ADARB2: variants seen among roughly 807,000 people sequenced by gnomAD.
The protein encoded by ADARB2 is inactive double-stranded RNA-specific editase B2.
Under a neutral mutation model 62.2 loss-of-function variants are expected in ADARB2, and 25 were observed. The ratio of observed to expected loss-of-function variants is 0.40; its 90% CI spans 0.29 to 0.56. The LOEUF is 0.56. ADARB2 is among the 20% of genes least tolerant of loss of function. The probability of loss-of-function intolerance (pLI) is 0.43; values close to 1 mark genes in which losing one functional copy is unlikely to be tolerated. For missense variants in ADARB2, 1,071 were observed against 1,077.4 expected, an observed-to-expected ratio of 0.99 and a Z score of 0.08; for synonymous variants, 572 against 500.8, an observed-to-expected ratio of 1.14 and a Z score of -1.90.
chr10:1,575,777 G>A (rs1332240217), intron 1 of ADARB2, among the ~76,000 whole-genome samples: 1 of 152,186 alleles, frequency 6.6e-6, no homozygotes, highest in Admixed American at 6.5e-5. Context: ...AGAGAGCCTG[G>A]CGGTTTGGCT....
At chr10:1,602,963 CACAG>C (rs903874728) in intron 1 of ADARB2, among the ~76,000 whole-genome samples, 2 of 151,836 alleles carry the variant, frequency 1.3e-5, no homozygotes, top group African/African-American at 2.4e-5. Flanking sequence ...CACATGCACA[CACAG>C]ACACACATCA....
intron 8 of ADARB2, among the ~76,000 whole-genome samples, chr10:1,185,240 A>G (rs1425010940): frequency 6.6e-6 from 1 of 152,248 alleles, no homozygotes; most frequent in Non-Finnish European, 1.5e-5. Flanking sequence ...CCTCGGGTCC[A>G]CGGCGTCGCT....
rs1368470441 is a variant in ADARB2 at position 1,477,104 on chromosome 10, A to C, written c.101-97944T>G. ...ACGCAAGGGCACCCTCCCACTGCGC[A>C]GCACTGCCTCTCACTCATGGCTGTG... On this transcript the variant is annotated intron_variant, in intron 1 of 9. Coordinates refer to ENST00000381312, the MANE Select transcript of ADARB2 (RefSeq NM_018702.4). The surrounding 1 kb of genome is among the most constrained non-coding windows in gnomAD (Gnocchi z 4.5). Among the ~76,000 whole-genome samples the C allele has an allele frequency of 6.6e-6, 1 of 152,124 alleles. No individual in the cohort carries two copies. The highest frequency in any genetic ancestry group is 1.5e-5 in the Non-Finnish European group (1 of 68,010).
intron 1 of ADARB2, among the ~76,000 whole-genome samples, chr10:1,588,045 C>A (rs1486899218): frequency 6.6e-6 from 1 of 152,144 alleles, no homozygotes; most frequent in Non-Finnish European, 1.5e-5. Flanking sequence ...CGGACTAATG[C>A]AACAATACTA....
intron 1 of ADARB2, among the ~76,000 whole-genome samples, chr10:1,547,922 T>A (rs926366177): frequency 1.3e-5 from 2 of 152,108 alleles, no homozygotes; most frequent in Non-Finnish European, 2.9e-5. Context: ...CTGACAGGCC[T>A]GGGAAGGCCT....
chr10:1,737,039 C>T lies in ADARB2; in HGVS notation c.100+12G>A. 1.9e-6 allele frequency: 3 copies of T among 1,609,334 alleles called. No homozygotes were observed. Among genetic ancestry groups the T allele is most frequent in the South Asian group, 2.2e-5 (2 of 91,082 alleles). ...AAGGGGGGCAGGGGCCGGCGCGCCACGCGGTCCTTACCTTTCCGCTTGGAC... is the reference window on the plus strand; with the variant it reads ...AAGGGGGGCAGGGGCCGGCGCGCCATGCGGTCCTTACCTTTCCGCTTGGAC... On this transcript the variant is annotated intron_variant, in intron 1 of 9. Coordinates refer to ENST00000381312, the MANE Select transcript of ADARB2 (RefSeq NM_018702.4).
chr10:1,379,020 C>T, intron 2 of ADARB2, 54 bp downstream of exon 2: 1 of 1,517,836 alleles, frequency 6.6e-7, no homozygotes, highest in Admixed American at 1.7e-5. Context: ...CAGGGGACCC[C>T]TGCACAAAGG....
chr10:1,611,913 G>A (rs1833577504), intron 1 of ADARB2, among the ~76,000 whole-genome samples: 1 of 152,182 alleles, frequency 6.6e-6, no homozygotes, highest in Non-Finnish European at 1.5e-5. Flanking sequence ...TGGGGGTGCA[G>A]CTGGGGCCTC....
rs1338853088 is a variant in ADARB2 at position 1,398,386 on chromosome 10, G to A, written c.101-19226C>T. ...GGTGAAAGACCATGAGCGCTCCTCG[G>A]GACATCTGGCCTTTCACCTGTGCAT... On this transcript the variant is annotated intron_variant, in intron 1 of 9. Coordinates refer to ENST00000381312, the MANE Select transcript of ADARB2 (RefSeq NM_018702.4). This position sits in a 1 kb window ranked among gnomAD's most constrained non-coding sequence, Gnocchi z 4.1. Among the ~76,000 whole-genome samples the A allele has an allele frequency of 6.6e-6, 1 of 152,240 alleles. No homozygotes were observed. Among genetic ancestry groups the A allele is most frequent in the Non-Finnish European group, 1.5e-5 (1 of 68,048 alleles).
At position 1,242,339 on chromosome 10, in the gene ADARB2, CCCCCGTCTCCCTCCT is replaced by C. The variant is rs562151051; in HGVS notation, c.1193-55_1193-41del. The C allele has an allele frequency of 8.4e-5, 126 of 1,505,286 alleles. No individual in the cohort carries two copies. The African/African-American group carries it at 1.6e-3, about 19-fold the overall frequency. 93.2% of individuals were successfully genotyped at this position (1,505,286 alleles called of 1,614,324 possible). ...AGCATCAGAGCAGCGTGGCCCACGG[CCCCCGTCTCCCTCCT>C]CCTCGGTCTTTTCAGGGTCTCACAA... is the stretch of plus-strand genomic sequence containing the variant. On this transcript the variant is annotated intron_variant, in intron 4 of 9. Coordinates refer to ENST00000381312, the MANE Select transcript of ADARB2 (RefSeq NM_018702.4).
At chr10:1,706,245 G>C (rs1564200371) in intron 1 of ADARB2, among the ~76,000 whole-genome samples, 1 of 152,194 alleles carries the variant, frequency 6.6e-6, no homozygotes, top group Non-Finnish European at 1.5e-5. Flanking sequence ...CTTGACTAGG[G>C]TCAAGGCCAT....
At chr10:1,306,749 A>T (rs1477694817) in intron 3 of ADARB2, among the ~76,000 whole-genome samples, 1 of 144,992 alleles carries the variant, frequency 6.9e-6, no homozygotes, top group Non-Finnish European at 1.5e-5. Context: ...GATCAATGGA[A>T]CAGAACAGAG....
At chr10:1,731,254 G>C (rs891828753) in intron 1 of ADARB2, among the ~76,000 whole-genome samples, 2 of 152,188 alleles carry the variant, frequency 1.3e-5, no homozygotes, top group African/African-American at 4.8e-5. Context: ...TTGCTAGGGC[G>C]TTGCTTAAAC....
chr10:1,301,156 A>C (rs1434844939), intron 3 of ADARB2, among the ~76,000 whole-genome samples: 2 of 152,256 alleles, frequency 1.3e-5, no homozygotes, highest in Non-Finnish European at 2.9e-5. Context: ...TATGGTACTG[A>C]TGATAAAATC....
At chr10:1,260,095 A>C (rs985795224) in intron 4 of ADARB2, among the ~76,000 whole-genome samples, 75 of 143,644 alleles carry the variant, frequency 5.2e-4, no homozygotes, top group African/African-American at 1.6e-3. Flanking sequence ...TGACAAAATT[A>C]AACAACCCTT....
intron 1 of ADARB2, among the ~76,000 whole-genome samples, chr10:1,456,683 G>A (rs985955018): frequency 6.6e-6 from 1 of 152,202 alleles, no homozygotes; most frequent in Non-Finnish European, 1.5e-5. Context: ...AGGGTCACTA[G>A]TGGCCCTTTC....
At chr10:1,254,471 A>T (rs369654832) in intron 4 of ADARB2, among the ~76,000 whole-genome samples, 115 of 152,316 alleles carry the variant, frequency 7.6e-4, no homozygotes, top group African/African-American at 2.2e-3. Flanking sequence ...GATCAGAGGA[A>T]TCTTTTGGTC....
intron 7 of ADARB2, chr10:1,215,933 G>A (rs905566435): frequency 4.0e-5 from 6 of 151,572 alleles, no homozygotes; most frequent in Non-Finnish European, 7.4e-5. Context: ...GATCCACGTT[G>A]GGGAGGCCTC....
intron 1 of ADARB2, among the ~76,000 whole-genome samples, chr10:1,646,490 G>A (rs1834043856): frequency 6.6e-6 from 1 of 152,228 alleles, no homozygotes. Flanking sequence ...GGGTCTTGAT[G>A]ACTATTGGGA....
Sources: gnomAD v4.1 joint callset for allele counts (sites outside exome capture counted in the v4.1 genomes callset) on GRCh38, gnomAD v4.1.1 for gene constraint, Gnocchi (gnomAD v3.1) non-coding constraint, MANE v1.5 for transcripts, NCBI Gene and HGNC (gene_info 2026-07-23, HGNC 2026-07-21) for gene names.